Variants in CSNK2A1 observed in about 807,000 individuals in gnomAD.
The protein encoded by CSNK2A1 is casein kinase 2 alpha 1, also known as casein kinase II subunit alpha.
Under a neutral mutation model 62.9 loss-of-function variants are expected in CSNK2A1, and 10 were observed. The ratio of observed to expected loss-of-function variants is 0.16; its 90% confidence interval spans 0.10 to 0.27. The LOEUF is 0.27. CSNK2A1 is among the 10% of genes least tolerant of loss of function. CSNK2A1 has a pLI of 1.00. For missense variants in CSNK2A1, 160 were observed against 492.0 expected (o/e 0.33, Z 6.38); for synonymous variants, 124 against 167.8 (o/e 0.74, Z 2.02).
chr20:484,357 C>A (rs560708536), intron 13 of CSNK2A1, among the ~76,000 whole-genome samples: 1 of 152,290 alleles, frequency 6.6e-6, no homozygotes, highest in South Asian at 2.1e-4. Context: ...TGGATTCTAA[C>A]CCAGGCCTGT....
intron 12 of CSNK2A1, chr20:487,185 G>A (rs1431932393): frequency 9.0e-6 from 5 of 553,802 alleles, no homozygotes; most frequent in African/African-American, 7.5e-5. Context: ...GCACTGAGAA[G>A]TGTCATCCTC....
In CSNK2A1 at chr20:508,447, T is replaced by C; in HGVS notation, c.101+4A>G. 1 of 1,613,876 alleles carries C rather than the reference T, an allele frequency of 6.2e-7. No individual in the cohort carries two copies. The highest frequency in any genetic ancestry group is 1.7e-5 in the Admixed American group (1 of 59,994). ...AGTATAATGAAGTCAACAAAAACAA[T>C]TACCCCCATTCCACCACATGTGACT... On this transcript the variant is annotated splice_donor_region_variant and intron_variant, in intron 3 of 13. Coordinates refer to ENST00000217244, the MANE Select transcript of CSNK2A1 (RefSeq NM_177559.3).
At chr20:514,583 A>C (rs2018791150) in intron 2 of CSNK2A1, among the ~76,000 whole-genome samples, 1 of 151,766 alleles carries the variant, frequency 6.6e-6, no homozygotes, top group Non-Finnish European at 1.5e-5. Context: ...TTGGGACTAT[A>C]GCTATGCGCC....
chr20:521,155 A>C (rs1022646675), intron 2 of CSNK2A1, among the ~76,000 whole-genome samples: 3 of 152,214 alleles, frequency 2.0e-5, no homozygotes, highest in Admixed American at 2.0e-4. Flanking sequence ...AGCCAGACAC[A>C]AGAAGAATGT....
intron 13 of CSNK2A1, 40 bp from the exon 14 acceptor site, chr20:484,116 C>CT: frequency 6.8e-7 from 1 of 1,469,644 alleles, no homozygotes; most frequent in Admixed American, 2.5e-5. Flanking sequence ...AGACACCAAC[C>CT]ATGGCAATCT....
intron 2 of CSNK2A1, among the ~76,000 whole-genome samples, chr20:525,517 G>A (rs2019062884): frequency 6.6e-6 from 1 of 151,756 alleles, no homozygotes; most frequent in Non-Finnish European, 1.5e-5. Context: ...TGGGCATGGT[G>A]GCGGGCGCCT....
Position 487,701 on chromosome 20 carries a change from G to A in CSNK2A1, c.825-126C>T, listed in dbSNP as rs964006913. On this transcript the variant is annotated intron_variant, in intron 11 of 13. Coordinates refer to ENST00000217244, the MANE Select transcript of CSNK2A1 (RefSeq NM_177559.3). ...GCAAAGAGGGATCCAAACTCAAGAGGGTAGTCTTGCACCGCTCTGCCACTG... is the reference window on the plus strand; with the variant it reads ...GCAAAGAGGGATCCAAACTCAAGAGAGTAGTCTTGCACCGCTCTGCCACTG... The A allele has an allele frequency of 4.5e-6, 6 of 1,325,494 alleles. No homozygotes were observed. The African/African-American group carries it at 7.2e-5, about 16-fold the overall frequency. 82.1% of individuals were successfully genotyped at this position (1,325,494 alleles called of 1,614,324 possible).
In CSNK2A1 at chr20:487,869, G is replaced by A. The variant is rs1600370702; in HGVS notation, c.825-294C>T. ...TTCTGTGTAGCAAGGAGGGTCAGGTGGCTGAGCTCACCAGGCCTATTTCCC... is the reference window on the plus strand; with the variant it reads ...TTCTGTGTAGCAAGGAGGGTCAGGTAGCTGAGCTCACCAGGCCTATTTCCC... On this transcript the variant is annotated intron_variant, in intron 11 of 13. Coordinates refer to ENST00000217244, the MANE Select transcript of CSNK2A1 (RefSeq NM_177559.3). The A allele has an allele frequency of 7.1e-6, 3 of 423,194 alleles. No individual in the cohort carries two copies. The Admixed American group carries it at 1.1e-4, about 15-fold the overall frequency. The allele number at this position is 423,194 out of a possible 1,614,324, so 26.2% of individuals were successfully genotyped here.
intron 11 of CSNK2A1, 174 bp from the exon 12 acceptor site, chr20:487,749 G>A: frequency 1.3e-6 from 1 of 765,856 alleles, no homozygotes. Flanking sequence ...AAGCTAACTG[G>A]AGACTGGAAA....
chr20:485,430 G>A (rs1600367954), intron 13 of CSNK2A1, among the ~76,000 whole-genome samples: 1 of 151,888 alleles, frequency 6.6e-6, no homozygotes, highest in African/African-American at 2.4e-5. Flanking sequence ...TGACCCACCC[G>A]CCTCAGCCTC....
chr20:510,775 G>A (rs1246622128), intron 2 of CSNK2A1, among the ~76,000 whole-genome samples: 3 of 152,054 alleles, frequency 2.0e-5, no homozygotes, highest in African/African-American at 7.2e-5. Context: ...AGAGTACAGT[G>A]GTCTGATCAC....
chr20:509,547 C>G (rs773214619), intron 2 of CSNK2A1, among the ~76,000 whole-genome samples: 2 of 152,196 alleles, frequency 1.3e-5, no homozygotes, highest in Non-Finnish European at 2.9e-5. Flanking sequence ...ATGCAAGTCT[C>G]CTGGCTGAGA....
At chr20:486,717 C>T in intron 12 of CSNK2A1, 1 of 426,242 alleles carries the variant, frequency 2.3e-6, no homozygotes, top group Non-Finnish European at 4.3e-6. Flanking sequence ...TTATTTATAG[C>T]AGAGCGAATT....
intron 6 of CSNK2A1, 28 bp from the exon 7 acceptor site, chr20:497,808 AAAT>A (rs2018376279): frequency 1.2e-6 from 2 of 1,602,464 alleles, no homozygotes; most frequent in East Asian, 4.5e-5. Context: ...TTGAGCCATG[AAAT>A]AATGCTGACA....
intron 2 of CSNK2A1, among the ~76,000 whole-genome samples, chr20:523,198 G>A (rs1035256484): frequency 2.0e-5 from 3 of 152,264 alleles, no homozygotes; most frequent in South Asian, 2.1e-4. Context: ...TAGTGTGAAC[G>A]CAAAATAGTA....
chr20:537,012 T>G (rs945623221), intron 1 of CSNK2A1, among the ~76,000 whole-genome samples: 1 of 152,206 alleles, frequency 6.6e-6, no homozygotes, highest in Non-Finnish European at 1.5e-5. Context: ...TCTTAAAATT[T>G]ATAGAACATT....
At chr20:492,543 A>G in intron 8 of CSNK2A1, 179 bp from the exon 9 acceptor site, 1 of 615,544 alleles carries the variant, frequency 1.6e-6, no homozygotes, top group Non-Finnish European at 2.8e-6. Context: ...CTCTTTCTCC[A>G]TGATTTTGTT....
At chr20:518,972 G>A (rs1290047977) in intron 2 of CSNK2A1, among the ~76,000 whole-genome samples, 1 of 123,734 alleles carries the variant, frequency 8.1e-6, no homozygotes, top group African/African-American at 3.1e-5. Flanking sequence ...GTCTTGTTCT[G>A]CCACCCAGGT....
At chr20:519,541 T>C (rs958697808) in intron 2 of CSNK2A1, among the ~76,000 whole-genome samples, 4 of 152,174 alleles carry the variant, frequency 2.6e-5, no homozygotes, top group African/African-American at 9.7e-5. Flanking sequence ...CAGCAAGACC[T>C]TGTCTCAAAC....
Sources: allele counts gnomAD v4.1 joint callset (sites outside exome capture counted in the v4.1 genomes callset), GRCh38; gene constraint gnomAD v4.1.1; transcripts MANE v1.5; gene names NCBI Gene and HGNC (gene_info 2026-07-23, HGNC 2026-07-21).